Variants in CDH3 observed in about 807,000 individuals in gnomAD.
The protein encoded by CDH3 is cadherin 3.
In CDH3, 54 loss-of-function variants were observed where a neutral mutation model predicts 82.0. That is an observed-to-expected ratio of 0.66 (90% CI 0.53 to 0.83). The LOEUF is 0.83. CDH3 is among the 40% of genes least tolerant of loss of function. The pLI is 0.00. For synonymous variants in CDH3, 446 were observed against 437.9 expected (o/e 1.02, Z -0.23); for missense variants, 1,054 against 1,084.6 (o/e 0.97, Z 0.40).
chr16:68,731,489 CACATATATATATACACACACACATAT>C (rs1284317096), downstream of CDH3, among the ~76,000 whole-genome samples: 1,973 of 37,902 alleles, frequency 0.052, 240 homozygotes, highest in African/African-American at 0.13. Flanking sequence ...CACGTATATA[CACATATATATATACACACACACATAT>C]ACACACACAC....
intron 1 of CDH3, among the ~76,000 whole-genome samples, chr16:68,721,838 C>G (rs1962167921): frequency 6.6e-6 from 1 of 152,142 alleles, no homozygotes; most frequent in African/African-American, 2.4e-5. Flanking sequence ...GCCTGTAATT[C>G]TAGCACTTTG....
At chr16:68,677,264 C>A (rs1961059033) in intron 3 of CDH3, among the ~76,000 whole-genome samples, 1 of 152,110 alleles carries the variant, frequency 6.6e-6, no homozygotes, top group Non-Finnish European at 1.5e-5. Flanking sequence ...TAGTTTTTTT[C>A]TGTATTCTCC....
rs1034450280 is a variant in CDH3, at chr16:68,707,682, G to C, written c.99+11759G>C. Among the ~76,000 whole-genome samples, 1 of 152,200 alleles carries C rather than the reference G, an allele frequency of 6.6e-6. No homozygotes were observed. The highest frequency in any genetic ancestry group is 1.5e-5 in the Non-Finnish European group (1 of 68,024). On this transcript the variant is annotated intron_variant, in intron 1 of 2. Transcript: ENST00000569080. This position sits in a 1 kb window ranked among gnomAD's most constrained non-coding sequence, Gnocchi z 4.5. Reference sequence around the variant, plus strand: ...GGAGGCGATGGTGGAAAAGCACTCAGTGTTTAGCGCTGAGCCTGCAGTGCA... The same window carrying C: ...GGAGGCGATGGTGGAAAAGCACTCACTGTTTAGCGCTGAGCCTGCAGTGCA...
At chr16:68,725,736 A>G (rs1279261452) in intron 2 of CDH3, among the ~76,000 whole-genome samples, 1 of 152,146 alleles carries the variant, frequency 6.6e-6, no homozygotes, top group Non-Finnish European at 1.5e-5. Context: ...GCTCTGACTC[A>G]AAGGCTTATT....
In CDH3 at chr16:68,684,819, G is replaced by T. The variant is rs747042730; in HGVS notation, c.1419G>T (p.Lys473Asn). The change falls in exon 10 of 16, where the codon AAG becomes AAT. Residue 473 changes from lysine to asparagine, a missense_variant. Coordinates refer to ENST00000264012, the MANE Select transcript of CDH3 (RefSeq NM_001793.6). ...TAEDPDKENQ[K>N]ISYRILRDPA... Reference sequence around the variant, plus strand: ...AAGACCCTGACAAGGAGAATCAAAAGATCAGGTACTCAGGAGCTGGGCTCA... The same window carrying T: ...AAGACCCTGACAAGGAGAATCAAAATATCAGGTACTCAGGAGCTGGGCTCA... 2.3e-5 allele frequency: 37 copies of T among 1,614,066 alleles called. No individual in the cohort carries two copies. Among genetic ancestry groups the T allele is most frequent in the Non-Finnish European group, 3.1e-5 (36 of 1,180,060 alleles).
chr16:68,731,415 C>T (rs56105560), downstream of CDH3, among the ~76,000 whole-genome samples: 1,169 of 13,340 alleles, frequency 0.088, 319 homozygotes, highest in African/African-American at 0.13. Flanking sequence ...TATATATATA[C>T]ATATACACAT....
chr16:68,678,268 A>G lies in CDH3; in HGVS notation c.381A>G (p.Arg127=), dbSNP rs770670519. The change falls in exon 4 of 16, where the codon AGA becomes AGG. Residue 127 remains arginine (R), a synonymous_variant. Coordinates refer to ENST00000264012, the MANE Select transcript of CDH3 (RefSeq NM_001793.6). The part of the protein sequence containing the change: ...PENGKGPFPQ[R]LNQLKSNKDR... ...ATGGCAAGGGTCCCTTCCCCCAGAG[A>G]CTGAATCAGGTACGACTGTGCCTTC... The G allele has an allele frequency of 4.4e-5, 71 of 1,614,028 alleles. No individual in the cohort carries two copies. Among genetic ancestry groups the G allele is most frequent in the Non-Finnish European group, 6.0e-5 (71 of 1,180,006 alleles).
rs16958262 is a variant in CDH3 at position 68,666,111 on chromosome 16, A to C, written c.161-10274A>C. ...TCTGAGGCAGAGGGCCCGAGTCTGAATGATTTCACCACTCACTCTCCAGGC... is the reference window on the plus strand; with the variant it reads ...TCTGAGGCAGAGGGCCCGAGTCTGACTGATTTCACCACTCACTCTCCAGGC... On this transcript the variant is annotated intron_variant, in intron 2 of 15. Transcript: ENST00000264012. Among the ~76,000 whole-genome samples the C allele has an allele frequency of 9.2e-3, 1,404 of 151,882 alleles. 18 individuals are homozygous for C. The highest frequency in any genetic ancestry group is 0.032 in the African/African-American group (1,313 of 41,416).
chr16:68,693,737 C>T (rs755994560), intron 13 of CDH3, among the ~76,000 whole-genome samples: 16 of 152,146 alleles, frequency 1.1e-4, no homozygotes, highest in Non-Finnish European at 2.2e-4. Flanking sequence ...GGACAGACAG[C>T]AGTTCCATCA....
At chr16:68,656,592 A>G (rs1363116003) in intron 2 of CDH3, among the ~76,000 whole-genome samples, 1 of 152,186 alleles carries the variant, frequency 6.6e-6, no homozygotes, top group Non-Finnish European at 1.5e-5. Context: ...TCGGCTTGTC[A>G]CTTTGTAACT....
At chr16:68,645,537 A>G (rs1211104929) in intron 1 of CDH3, 99 bp from the exon 2 acceptor site, 2 of 1,457,366 alleles carry the variant, frequency 1.4e-6, no homozygotes, top group Non-Finnish European at 1.9e-6. Flanking sequence ...CCTGGGGCCA[A>G]GGGAGTCCCG....
intron 4 of CDH3, 38 bp from the exon 5 acceptor site, chr16:68,678,463 T>C: frequency 1.2e-6 from 2 of 1,613,470 alleles, no homozygotes; most frequent in African/African-American, 1.3e-5. Flanking sequence ...CATGGGATAT[T>C]TGTTACTTTG....
chr16:68,654,380 A>ATTTTTTTTTTTTTTTTTT lies in CDH3; in HGVS notation c.160+8651_160+8668dup, dbSNP rs1176713669. Among the ~76,000 whole-genome samples the ATTTTTTTTTTTTTTTTTT allele has an allele frequency of 4.1e-4, 20 of 48,494 alleles. 4 individuals carry two copies. The highest frequency in any genetic ancestry group is 1.8e-3 in the African/African-American group (19 of 10,292). The allele number at this position is 48,494 out of a possible 152,430, so 31.8% of individuals were successfully genotyped here. Reference sequence around the variant, plus strand: ...GGCCTTTTTCTTAATTTTTAAATTAATTTTTTTTTTTTTTTTTTTTTTTTT... The same window carrying ATTTTTTTTTTTTTTTTTT: ...GGCCTTTTTCTTAATTTTTAAATTAATTTTTTTTTTTTTTTTTTTTTTTTTTTTTTTTTTTTTTTTTTT... On this transcript the variant is annotated intron_variant, in intron 2 of 15. Transcript: ENST00000264012.
intron 2 of CDH3, among the ~76,000 whole-genome samples, chr16:68,667,213 G>T (rs918869663): frequency 6.6e-6 from 1 of 152,032 alleles, no homozygotes; most frequent in African/African-American, 2.4e-5. Flanking sequence ...CTTTTCCCCG[G>T]TGCCCTCTTA....
rs539874739 is a variant in CDH3 at position 68,678,461 on chromosome 16, A to G, written c.391-40A>G. Reference sequence around the variant, plus strand: ...GGACTCTTTGTCACAGTCATGGGATATTTGTTACTTTGTCAGCTGCCATTT... The same window carrying G: ...GGACTCTTTGTCACAGTCATGGGATGTTTGTTACTTTGTCAGCTGCCATTT... On this transcript the variant is annotated intron_variant, in intron 4 of 15. Transcript: ENST00000264012. The G allele has an allele frequency of 1.1e-5, 17 of 1,612,930 alleles. No individual in the cohort carries two copies. In the Admixed American group the frequency reaches 2.7e-4, roughly 25 times the overall value.
chr16:68,675,782 G>A (rs1345858552), intron 2 of CDH3, among the ~76,000 whole-genome samples: 1 of 148,396 alleles, frequency 6.7e-6, no homozygotes, highest in African/African-American at 2.5e-5. Flanking sequence ...GACAGAGCAA[G>A]ACTCTGCCTC....
intron 7 of CDH3, among the ~76,000 whole-genome samples, chr16:68,680,292 C>A (rs998362641): frequency 1.7e-4 from 26 of 152,214 alleles, no homozygotes; most frequent in Admixed American, 1.7e-3. Flanking sequence ...CCAAATTGGT[C>A]CCTTATGTGC....
At chr16:68,678,456 G>A in intron 4 of CDH3, 45 bp from the exon 5 acceptor site, 1 of 1,612,174 alleles carries the variant, frequency 6.2e-7, no homozygotes, top group Non-Finnish European at 8.5e-7. Context: ...TCACAGTCAT[G>A]GGATATTTGT....
At chr16:68,665,975 C>A (rs1960723101) in intron 2 of CDH3, among the ~76,000 whole-genome samples, 1 of 152,104 alleles carries the variant, frequency 6.6e-6, no homozygotes, top group African/African-American at 2.4e-5. Flanking sequence ...AACTGGAAGG[C>A]AAAATGGGGG....
Sources: gnomAD v4.1 joint callset for allele counts (sites outside exome capture counted in the v4.1 genomes callset) on GRCh38, gnomAD v4.1.1 for gene constraint, Gnocchi (gnomAD v3.1) non-coding constraint, MANE v1.5 for transcripts, NCBI Gene and HGNC (gene_info 2026-07-23, HGNC 2026-07-21) for gene names.